The following COL27A1 variants were observed in gnomAD, a reference collection of about 807,000 sequenced individuals.
COL27A1 encodes the protein collagen alpha-1(XXVII) chain.
A neutral mutation model predicts 251.3 loss-of-function variants in COL27A1; 106 were observed. The observed-to-expected ratio is 0.42, with a 90% CI of 0.36 to 0.50. The LOEUF (loss-of-function observed/expected upper bound fraction) is 0.50, where lower values mean the gene tolerates loss of function less well. Ranked by LOEUF, COL27A1 falls within the 20% of genes least tolerant of loss-of-function variation. The probability of loss-of-function intolerance (pLI) is 0.00; values close to 1 mark genes in which losing one functional copy is unlikely to be tolerated. For missense variants in COL27A1, 2,325 were observed against 2,522.8 expected (o/e 0.92, Z 1.68); for synonymous variants, 1,000 against 986.3 (o/e 1.01, Z -0.26).
intron 49 of COL27A1, among the ~76,000 whole-genome samples, chr9:114,299,111 G>C (rs1828441792): frequency 6.6e-6 from 1 of 151,792 alleles, no homozygotes; most frequent in African/African-American, 2.4e-5. Flanking sequence ...AGATTAAATG[G>C]GACCCTCCCG....
intron 39 of COL27A1, among the ~76,000 whole-genome samples, chr9:114,283,288 C>A (rs1341719612): frequency 6.6e-6 from 1 of 152,144 alleles, no homozygotes; most frequent in Non-Finnish European, 1.5e-5. Context: ...CGCACAGATG[C>A]AATAGACCAA....
At chr9:114,300,585 G>T in intron 50 of COL27A1, 40 bp from the exon 51 acceptor site, 1 of 1,510,464 alleles carries the variant, frequency 6.6e-7, no homozygotes, top group South Asian at 1.3e-5. Context: ...TTTACCCAGT[G>T]GCTGCCAAGT....
At chr9:114,181,212 G>A (rs1357430863) in intron 4 of COL27A1, among the ~76,000 whole-genome samples, 1 of 152,164 alleles carries the variant, frequency 6.6e-6, no homozygotes, top group African/African-American at 2.4e-5. Flanking sequence ...ACTCAGTCTC[G>A]ATGCTTCCAG....
chr9:114,207,006 T>C (rs1238374375), intron 10 of COL27A1, among the ~76,000 whole-genome samples: 1 of 152,164 alleles, frequency 6.6e-6, no homozygotes, highest in Non-Finnish European at 1.5e-5. Context: ...GAATCGTTTC[T>C]TTTACACACA....
intron 10 of COL27A1, 76 bp from the exon 11 acceptor site, chr9:114,209,599 T>C: frequency 7.5e-7 from 1 of 1,332,538 alleles, no homozygotes; most frequent in East Asian, 2.3e-5. Context: ...ATGGCAGTGG[T>C]GGGTGGGCTG....
At chr9:114,303,087 T>C (rs1828776253) in intron 56 of COL27A1, among the ~76,000 whole-genome samples, 1 of 152,096 alleles carries the variant, frequency 6.6e-6, no homozygotes, top group African/African-American at 2.4e-5. Context: ...TTCTCATCAG[T>C]AAGAAAGGCA....
chr9:114,299,050 A>G (rs916587816), intron 49 of COL27A1, among the ~76,000 whole-genome samples: 18 of 152,294 alleles, frequency 1.2e-4, no homozygotes, highest in Non-Finnish European at 2.4e-4. Flanking sequence ...CAAGAGAACC[A>G]CCAATAGCTC....
chr9:114,304,690 T>C lies in COL27A1; in HGVS notation c.4938+17T>C. 6.2e-7 allele frequency: 1 copy of C among 1,611,420 alleles called. No individual in the cohort carries two copies. The highest frequency in any genetic ancestry group is 8.5e-7 in the Non-Finnish European group (1 of 1,177,700). On this transcript the variant is annotated intron_variant, in intron 57 of 60. Coordinates refer to ENST00000356083, the MANE Select transcript of COL27A1 (RefSeq NM_032888.4). ...AGGCCAGAGGTATCTCCAGGGGCTC[T>C]CCCCATGTGGGATCCCTTCCTGGGA...
Position 114,245,153 on chromosome 9 carries a change from T to G in COL27A1, c.2935-713T>G, listed in dbSNP as rs10982122. Among the ~76,000 whole-genome samples, 341 of 86,632 alleles carry G rather than the reference T, an allele frequency of 3.9e-3. 3 individuals carry two copies. The highest frequency in any genetic ancestry group is 0.014 in the African/African-American group (212 of 15,502). 56.8% of individuals were successfully genotyped at this position (86,632 alleles called of 152,430 possible). ...CAGTGGGAATGTGCATTCTTGTTTT[T>G]TTTTTTTTTTTTTTTTTTTTTTTGA... On this transcript the variant is annotated intron_variant, in intron 23 of 60. Coordinates refer to ENST00000356083, the MANE Select transcript of COL27A1 (RefSeq NM_032888.4).
intron 24 of COL27A1, among the ~76,000 whole-genome samples, chr9:114,250,212 G>C (rs1833435594): frequency 6.6e-6 from 1 of 152,226 alleles, no homozygotes; most frequent in Non-Finnish European, 1.5e-5. Context: ...TTCTGTCCCA[G>C]CCAGCGGGTT....
chr9:114,288,393 T>C, intron 41 of COL27A1, 62 bp from the exon 42 acceptor site: 1 of 1,546,132 alleles, frequency 6.5e-7, no homozygotes, highest in South Asian at 1.2e-5. Flanking sequence ...GCTTTCCGTC[T>C]GGAATTCCCC....
intron 37 of COL27A1, among the ~76,000 whole-genome samples, chr9:114,277,138 A>G (rs1835560663): frequency 1.3e-5 from 2 of 152,168 alleles, no homozygotes; most frequent in Middle Eastern, 3.4e-3. Flanking sequence ...CAAATACTGG[A>G]CTGATGACTC....
chr9:114,277,967 C>T (rs1318654307), intron 37 of COL27A1, among the ~76,000 whole-genome samples: 1 of 152,174 alleles, frequency 6.6e-6, no homozygotes. Context: ...GTTTCTGGCT[C>T]TAGTAACCCA....
intron 5 of COL27A1, among the ~76,000 whole-genome samples, chr9:114,184,432 C>T (rs938559828): frequency 6.6e-6 from 1 of 152,224 alleles, no homozygotes; most frequent in Non-Finnish European, 1.5e-5. Context: ...GCATATGGAT[C>T]TGTGGTGTCA....
chr9:114,205,011 T>C (rs193051309), intron 7 of COL27A1, 91 bp from the exon 8 acceptor site: 3 of 1,265,306 alleles, frequency 2.4e-6, no homozygotes, highest in East Asian at 4.6e-5. Context: ...CATACGGTGC[T>C]GAACAGGGCA....
chr9:114,242,178 C>T lies in COL27A1; in HGVS notation c.2836-9C>T, dbSNP rs1393331147. 1.3e-6 allele frequency: 2 copies of T among 1,598,764 alleles called. No individual in the cohort carries two copies. Among genetic ancestry groups the T allele is most frequent in the Non-Finnish European group, 1.7e-6 (2 of 1,174,662 alleles). ...TCCTTTTTTCCTCTCTCGTGTCTCCCAATTCTAGGGAGATGAGGGACCCAT... is the reference window on the plus strand; with the variant it reads ...TCCTTTTTTCCTCTCTCGTGTCTCCTAATTCTAGGGAGATGAGGGACCCAT... On this transcript the variant is annotated splice_polypyrimidine_tract_variant and intron_variant, in intron 21 of 60. Coordinates refer to ENST00000356083, the MANE Select transcript of COL27A1 (RefSeq NM_032888.4).
intron 25 of COL27A1, 69 bp from the exon 26 acceptor site, chr9:114,252,524 C>A: frequency 7.2e-7 from 1 of 1,379,870 alleles, no homozygotes; most frequent in Non-Finnish European, 1.0e-6. Context: ...TGGCCCTCTG[C>A]ACCTGCCTCC....
intron 25 of COL27A1, among the ~76,000 whole-genome samples, chr9:114,251,693 C>G (rs1588771414): frequency 1.3e-5 from 2 of 152,212 alleles, no homozygotes; most frequent in African/African-American, 4.8e-5. Context: ...GCGCCATTCC[C>G]TTAGCCAAAT....
chr9:114,160,295 C>T (rs1279562750), intron 1 of COL27A1, among the ~76,000 whole-genome samples: 1 of 152,002 alleles, frequency 6.6e-6, no homozygotes, highest in Non-Finnish European at 1.5e-5. Context: ...GCTGGGACTA[C>T]AGGCGCCCGC....
Sources: gnomAD v4.1 joint callset for allele counts (sites outside exome capture counted in the v4.1 genomes callset) on GRCh38, gnomAD v4.1.1 for gene constraint, MANE v1.5 for transcripts, NCBI Gene and HGNC (gene_info 2026-07-23, HGNC 2026-07-21) for gene names.